SLC1A2: variants seen among roughly 807,000 people sequenced by gnomAD.
SLC1A2 encodes the protein excitatory amino acid transporter 2.
In SLC1A2, 15 loss-of-function variants were observed where a neutral mutation model predicts 48.8. The observed-to-expected ratio is 0.31, with a 90% CI of 0.21 to 0.47. The LOEUF (loss-of-function observed/expected upper bound fraction) is 0.47, where lower values mean the gene tolerates loss of function less well. Among genes scored for constraint, SLC1A2 ranks in the 20% least tolerant of loss-of-function variants. The probability of loss-of-function intolerance (pLI) is 0.99; values close to 1 mark genes in which losing one functional copy is unlikely to be tolerated. For synonymous variants in SLC1A2, 279 were observed against 272.6 expected, an observed-to-expected ratio of 1.02 and a Z score of -0.23; for missense variants, 502 against 730.5, an observed-to-expected ratio of 0.69 and a Z score of 3.61.
chr11:35,277,507 A>G (rs1020702748), intron 9 of SLC1A2, among the ~76,000 whole-genome samples: 3 of 152,106 alleles, frequency 2.0e-5, no homozygotes, highest in African/African-American at 7.2e-5. Context: ...ATATTAGTGC[A>G]TTTTTTTCCA....
intron 1 of SLC1A2, among the ~76,000 whole-genome samples, chr11:35,394,095 G>T (rs1173272798): frequency 6.6e-6 from 1 of 151,828 alleles, no homozygotes; most frequent in East Asian, 1.9e-4. Context: ...TTTTGCCCCA[G>T]CCCTTGAACA....
chr11:35,338,672 C>G (rs1321596480), intron 1 of SLC1A2, among the ~76,000 whole-genome samples: 2 of 152,120 alleles, frequency 1.3e-5, no homozygotes, highest in African/African-American at 4.8e-5. Flanking sequence ...GAGAATCAGT[C>G]CTAATAATAA....
At chr11:35,350,773 C>T (rs1342759417) in intron 1 of SLC1A2, among the ~76,000 whole-genome samples, 3 of 152,198 alleles carry the variant, frequency 2.0e-5, no homozygotes, top group Non-Finnish European at 4.4e-5. Context: ...GATGCCTGGG[C>T]TGAGATTGGA....
In SLC1A2 at chr11:35,419,177, C is replaced by G; in HGVS notation, c.-211G>C. 1 of 457,990 alleles carries G rather than the reference C, an allele frequency of 2.2e-6. No individual in the cohort carries two copies. 28.4% of individuals were successfully genotyped at this position (457,990 alleles called of 1,614,324 possible). A position where few individuals can be genotyped will look rare whatever the true frequency, so the allele number is the denominator to read the frequency against. ...CGCTAATCCGCGTCCCGGCTCTCCA[C>G]GGCGCGCGACCCGCGCTCCCCTCCG... is the stretch of plus-strand genomic sequence containing the variant. On this transcript the variant is annotated 5_prime_UTR_variant, in exon 1 of 11. Coordinates refer to ENST00000278379, the MANE Select transcript of SLC1A2 (RefSeq NM_004171.4). This position sits in a 1 kb window ranked among gnomAD's most constrained non-coding sequence, Gnocchi z 5.4.
rs780093453 is a variant in SLC1A2 at position 35,292,388 on chromosome 11, G to A, written c.990C>T (p.Ile330=). 2 of 1,614,034 alleles carry A rather than the reference G, an allele frequency of 1.2e-6. No homozygotes were observed. Among genetic ancestry groups the A allele is most frequent in the South Asian group, 1.1e-5 (1 of 91,080 alleles). ...CTACAAAGTAAATCAAGGGGAGAAA[G>A]ATGCCCCCGTGGATGATGAGGCCTA... is the stretch of plus-strand genomic sequence containing the variant. ...VIIGLIIHGG[I]FLPLIYFVVT... is the part of the protein sequence containing the mutation. The change falls in exon 7 of 11, where the codon ATC becomes ATT. Residue 330 remains isoleucine, a synonymous_variant. Transcript: ENST00000278379.
At chr11:35,383,694 A>G (rs972295890) in intron 1 of SLC1A2, among the ~76,000 whole-genome samples, 3 of 152,238 alleles carry the variant, frequency 2.0e-5, no homozygotes, top group East Asian at 1.9e-4. Context: ...CAGGTTCTAT[A>G]TAAGTTGTTG....
intron 1 of SLC1A2, among the ~76,000 whole-genome samples, chr11:35,359,510 C>G (rs2135121726): frequency 6.6e-6 from 1 of 152,298 alleles, no homozygotes; most frequent in African/African-American, 2.4e-5. Context: ...GGCTCAGGAG[C>G]CCAAGGTCAC....
chr11:35,383,285 T>C (rs535184866), intron 1 of SLC1A2, among the ~76,000 whole-genome samples: 1 of 152,278 alleles, frequency 6.6e-6, no homozygotes, highest in East Asian at 1.9e-4. Context: ...CCTGGGTAAA[T>C]TAATTTTGTT....
chr11:35,337,823 G>A (rs1852686925), intron 1 of SLC1A2, among the ~76,000 whole-genome samples: 2 of 152,132 alleles, frequency 1.3e-5, no homozygotes, highest in African/African-American at 4.8e-5. Context: ...ATGAGTATGT[G>A]GAGGGGAAGC....
At chr11:35,341,983 G>A (rs1852856534) in intron 1 of SLC1A2, among the ~76,000 whole-genome samples, 1 of 152,136 alleles carries the variant, frequency 6.6e-6, no homozygotes, top group African/African-American at 2.4e-5. Flanking sequence ...TATCTAAGAT[G>A]TATTTAAGAA....
At position 35,380,319 on chromosome 11, in the gene SLC1A2, G is replaced by A. The variant is rs1418451802; in HGVS notation, c.17+38631C>T. The A allele has an allele frequency of 1.0e-5, 4 of 398,440 alleles. No homozygotes were observed. The Admixed American group carries it at 1.8e-4, about 18-fold the overall frequency. The allele number at this position is 398,440 out of a possible 1,614,324, so 24.7% of individuals were successfully genotyped here. A position where few individuals can be genotyped will look rare whatever the true frequency, so the allele number is the denominator to read the frequency against. On this transcript the variant is annotated intron_variant, in intron 1 of 10. Coordinates refer to ENST00000278379, the MANE Select transcript of SLC1A2 (RefSeq NM_004171.4). ...CTAAAGATTCCATGGAAAAGGCCTT[G>A]GCTTTTGCTTTGCTTCTGAAAAATA...
In SLC1A2 at chr11:35,292,037, T is replaced by C. The variant is rs1278302014; in HGVS notation, c.1091+250A>G. 8.6e-6 allele frequency: 4 copies of C among 467,190 alleles called. No individual in the cohort carries two copies. In the East Asian group the frequency reaches 1.4e-4, roughly 17 times the overall value. The allele number at this position is 467,190 out of a possible 1,614,324, so 28.9% of individuals were successfully genotyped here. Reference sequence around the variant, plus strand: ...TAGGCATGCAAACAAATAGCATGCATTTATCTGAAAAATTTAATGTGAGAT... The same window carrying C: ...TAGGCATGCAAACAAATAGCATGCACTTATCTGAAAAATTTAATGTGAGAT... On this transcript the variant is annotated intron_variant, in intron 7 of 10. Transcript: ENST00000278379.
At chr11:35,366,768 G>C (rs1225261164) in intron 1 of SLC1A2, among the ~76,000 whole-genome samples, 1 of 152,162 alleles carries the variant, frequency 6.6e-6, no homozygotes, top group African/African-American at 2.4e-5. Context: ...GAAGCATTAG[G>C]AAGTTCCCCA....
At chr11:35,276,492 C>T (rs1426176534) in intron 9 of SLC1A2, among the ~76,000 whole-genome samples, 1 of 152,078 alleles carries the variant, frequency 6.6e-6, no homozygotes, top group Non-Finnish European at 1.5e-5. Context: ...TCTGCTGACA[C>T]ACTTCAGCCC....
chr11:35,374,094 A>G (rs529535452), intron 1 of SLC1A2, among the ~76,000 whole-genome samples: 2 of 152,320 alleles, frequency 1.3e-5, no homozygotes, highest in East Asian at 3.9e-4. Context: ...AAGATTAAAT[A>G]AAATAATAGA....
chr11:35,395,597 C>A (rs80216743), intron 1 of SLC1A2, among the ~76,000 whole-genome samples: 1 of 151,832 alleles, frequency 6.6e-6, no homozygotes, highest in Non-Finnish European at 1.5e-5. Context: ...AGCAAAGCTC[C>A]GAATATACCT....
chr11:35,274,291 G>A (rs965466137), intron 9 of SLC1A2, among the ~76,000 whole-genome samples: 3 of 152,216 alleles, frequency 2.0e-5, no homozygotes, highest in South Asian at 2.1e-4. Context: ...CTATAGCCCT[G>A]CCCCATCCCG....
chr11:35,284,087 T>TTATAAATATATATATATATATATA (rs1850731258), intron 8 of SLC1A2, among the ~76,000 whole-genome samples: 1 of 115,900 alleles, frequency 8.6e-6, no homozygotes, highest in Admixed American at 9.7e-5. Context: ...GAAGATTTTA[T>TTATAAATATATATATATATATATA]TATATATATA....
At position 35,255,803 on chromosome 11, in the gene SLC1A2, TA is replaced by T. The variant is rs1281624836; in HGVS notation, c.*5090del. ...GAGTTTAAGTCAAGGGAACTTTTAT[TA>T]AAAAACTTTTATTGGTGTCTCAAAA... On this transcript the variant is annotated 3_prime_UTR_variant, in exon 11 of 11. Transcript: ENST00000278379. 2.6e-5 allele frequency: 4 copies of T among 152,210 alleles called. No homozygotes were observed. Among genetic ancestry groups the T allele is most frequent in the Non-Finnish European group, 5.9e-5 (4 of 68,026 alleles). 9.4% of individuals were successfully genotyped at this position (152,210 alleles called of 1,614,324 possible).
Sources: allele counts gnomAD v4.1 joint callset (sites outside exome capture counted in the v4.1 genomes callset), GRCh38; gene constraint gnomAD v4.1.1; non-coding constraint Gnocchi (gnomAD v3.1); transcripts MANE v1.5; gene names NCBI Gene and HGNC (gene_info 2026-07-23, HGNC 2026-07-21).